MAGI1: variants seen among roughly 807,000 people sequenced by gnomAD.
MAGI1 encodes membrane associated guanylate kinase, WW and PDZ domain containing 1.
MAGI1 carries 58 observed loss-of-function variants against 139.9 expected under a neutral mutation model. That is an observed-to-expected ratio of 0.41 (90% confidence interval 0.34 to 0.52). The LOEUF is 0.52. Ranked by LOEUF, MAGI1 falls within the 20% of genes least tolerant of loss-of-function variation. The probability of loss-of-function intolerance (pLI) is 0.12; values close to 1 mark genes in which losing one functional copy is unlikely to be tolerated. For synonymous variants in MAGI1, 812 were observed against 737.9 expected (o/e 1.10, Z -1.63); for missense variants, 1,874 against 1,901.6 (o/e 0.99, Z 0.27).
intron 1 of MAGI1, among the ~76,000 whole-genome samples, chr3:65,954,194 A>G (rs2064001166): frequency 6.6e-6 from 1 of 152,264 alleles, no homozygotes; most frequent in African/African-American, 2.4e-5. Flanking sequence ...CCTATAAGAA[A>G]ATATTTTCAA....
At chr3:65,649,842 T>C (rs375099574) in intron 1 of MAGI1, among the ~76,000 whole-genome samples, 10 of 152,136 alleles carry the variant, frequency 6.6e-5, no homozygotes, top group African/African-American at 2.4e-4. Flanking sequence ...GGCAAAAATA[T>C]TGACAACGCC....
intron 1 of MAGI1, among the ~76,000 whole-genome samples, chr3:65,999,228 A>G (rs1459601263): frequency 6.6e-6 from 1 of 152,018 alleles, no homozygotes; most frequent in Non-Finnish European, 1.5e-5. Context: ...CCTCCGCACA[A>G]CCCCGCACTC....
chr3:65,526,923 G>A lies in MAGI1; in HGVS notation c.431-33292C>T, dbSNP rs75852349. Among the ~76,000 whole-genome samples the A allele has an allele frequency of 4.6e-5, 7 of 152,266 alleles. No individual in the cohort carries two copies. The East Asian group carries it at 1.4e-3, about 29-fold the overall frequency. On this transcript the variant is annotated intron_variant, in intron 2 of 22. Transcript: ENST00000402939. ...TGGGACCTTCAAAGGCCACCAGCAG[G>A]CAGGAGTGAGAAAGGAAAAAAGAAT...
intron 1 of MAGI1, among the ~76,000 whole-genome samples, chr3:65,708,717 G>T (rs887225661): frequency 5.9e-5 from 9 of 151,860 alleles, no homozygotes; most frequent in African/African-American, 2.2e-4. Flanking sequence ...AAAGAAAACG[G>T]GGGAAGGACA....
At chr3:65,677,098 A>G (rs1156319590) in intron 1 of MAGI1, among the ~76,000 whole-genome samples, 1 of 152,212 alleles carries the variant, frequency 6.6e-6, no homozygotes, top group Admixed American at 6.5e-5. Flanking sequence ...AATTCAGGGT[A>G]GTTTAAGATT....
At chr3:65,801,307 G>T (rs2040496823) in intron 1 of MAGI1, among the ~76,000 whole-genome samples, 1 of 152,178 alleles carries the variant, frequency 6.6e-6, no homozygotes, top group Non-Finnish European at 1.5e-5. Flanking sequence ...ATCTAATACA[G>T]AGCATCCAAA....
intron 1 of MAGI1, among the ~76,000 whole-genome samples, chr3:65,751,467 A>G (rs1231905163): frequency 6.6e-6 from 1 of 152,024 alleles, no homozygotes; most frequent in African/African-American, 2.4e-5. Context: ...TGTTGCATTG[A>G]CCTTCGGAGA....
chr3:65,565,172 A>G (rs1420027541), intron 2 of MAGI1, among the ~76,000 whole-genome samples: 1 of 152,248 alleles, frequency 6.6e-6, no homozygotes, highest in Non-Finnish European at 1.5e-5. Flanking sequence ...CAGCTGAGCA[A>G]GAGAAAAAAG....
chr3:65,407,577 T>C (rs968613671), intron 12 of MAGI1, among the ~76,000 whole-genome samples: 1 of 152,018 alleles, frequency 6.6e-6, no homozygotes, highest in African/African-American at 2.4e-5. Context: ...ATTCAGTGAT[T>C]GGGGGAAATA....
intron 19 of MAGI1, 62 bp downstream of exon 19, chr3:65,364,791 T>C: frequency 6.2e-7 from 1 of 1,605,848 alleles, no homozygotes; most frequent in Non-Finnish European, 8.5e-7. Context: ...ATCAAGGACA[T>C]ATATTGTCAT....
At chr3:65,628,931 A>G (rs2084132111) in intron 1 of MAGI1, among the ~76,000 whole-genome samples, 1 of 152,128 alleles carries the variant, frequency 6.6e-6, no homozygotes. Flanking sequence ...TTTTCCTATT[A>G]GGTTATCTAG....
At chr3:65,810,854 C>G (rs1015923622) in intron 1 of MAGI1, among the ~76,000 whole-genome samples, 6 of 152,206 alleles carry the variant, frequency 3.9e-5, no homozygotes, top group African/African-American at 1.2e-4. Flanking sequence ...ACACATTTAG[C>G]TCTTTCCTCT....
rs139524567 is a variant in MAGI1, at chr3:66,038,217, G to A, written c.92C>T (p.Thr31Met). ...KRGPQGELGVTVLGGAEHGEF... is the reference protein window; with the variant it reads ...KRGPQGELGVMVLGGAEHGEF... ...CCCGTGCTCCGCGCCTCCCAGCACC[G>A]TCACCCCCAGCTCGCCCTGGGGTCC... Residue 31 changes from threonine to methionine, a missense_variant, in exon 1 of 23, where the codon ACG (threonine) becomes ATG (methionine). Thr to Met is a moderately conservative substitution (Grantham distance 81, BLOSUM62 -1). Around this residue, in one of 5 missense-constraint regions of MAGI1, gnomAD observed 648 missense variants for 598.1 expected, o/e 1.08. Coordinates refer to ENST00000402939, the MANE Select transcript of MAGI1 (RefSeq NM_001033057.2). 5.4e-4 allele frequency: 866 copies of A among 1,611,914 alleles called. No homozygotes were observed. The highest frequency in any genetic ancestry group is 9.0e-4 in the Admixed American group (54 of 59,968).
At chr3:65,486,505 A>G (rs1951646532) in intron 3 of MAGI1, among the ~76,000 whole-genome samples, 1 of 152,226 alleles carries the variant, frequency 6.6e-6, no homozygotes, top group Non-Finnish European at 1.5e-5. Context: ...GCAAGGGAAA[A>G]GGGAAATGGT....
intron 1 of MAGI1, among the ~76,000 whole-genome samples, chr3:65,947,464 A>C (rs142249655): frequency 2.4e-4 from 37 of 152,318 alleles, no homozygotes; most frequent in African/African-American, 6.3e-4. Flanking sequence ...TAAGGGATGA[A>C]AACTCCTATA....
intron 1 of MAGI1, among the ~76,000 whole-genome samples, chr3:65,770,101 A>G (rs978315299): frequency 2.6e-5 from 4 of 152,214 alleles, no homozygotes; most frequent in African/African-American, 9.7e-5. Flanking sequence ...TGAGAGAGGC[A>G]GAAGAAGACA....
At chr3:65,794,844 GAA>G (rs10581418) in intron 1 of MAGI1, among the ~76,000 whole-genome samples, 37,496 of 131,682 alleles carry the variant, frequency 0.28, 5,409 homozygotes, top group Admixed American at 0.43. Context: ...CCCTCATCAG[GAA>G]AAAAAAAAAA....
chr3:65,852,979 C>CAAAAAAA (rs57460083), intron 1 of MAGI1, among the ~76,000 whole-genome samples: 1 of 104,242 alleles, frequency 9.6e-6, no homozygotes. Flanking sequence ...ACTAAAAATA[C>CAAAAAAA]AAAAAAAAAA....
intron 1 of MAGI1, among the ~76,000 whole-genome samples, chr3:65,836,847 G>A (rs2042836938): frequency 6.6e-6 from 1 of 152,120 alleles, no homozygotes; most frequent in African/African-American, 2.4e-5. Context: ...AGAGCGAGCT[G>A]TGCTTTTTGT....
Sources: allele counts gnomAD v4.1 joint callset (sites outside exome capture counted in the v4.1 genomes callset), GRCh38; gene constraint gnomAD v4.1.1; regional missense constraint gnomAD v4.1.1; transcripts MANE v1.5; gene names NCBI Gene and HGNC (gene_info 2026-07-23, HGNC 2026-07-21).